FNDC3B: variants seen among roughly 807,000 people sequenced by gnomAD.
The protein encoded by FNDC3B is fibronectin type III domain containing 3B, also known as fibronectin type III domain-containing protein 3B.
In FNDC3B, 12 loss-of-function variants were observed where a neutral mutation model predicts 151.5. The ratio of observed to expected loss-of-function variants is 0.08; its 90% confidence interval spans 0.05 to 0.13. The LOEUF (loss-of-function observed/expected upper bound fraction) is 0.13, where lower values mean the gene tolerates loss of function less well. Among genes scored for constraint, FNDC3B ranks in the 10% least tolerant of loss-of-function variants. The pLI is 1.00. For missense variants in FNDC3B, 1,214 were observed against 1,505.3 expected (o/e 0.81, Z 3.20); for synonymous variants, 528 against 549.0 (o/e 0.96, Z 0.54).
At chr3:172,093,625 C>G (rs1017802662) in intron 1 of FNDC3B, among the ~76,000 whole-genome samples, 1 of 152,138 alleles carries the variant, frequency 6.6e-6, no homozygotes, top group African/African-American at 2.4e-5. Flanking sequence ...TCTCGAACTC[C>G]TGGCCTCAGG....
intron 10 of FNDC3B, among the ~76,000 whole-genome samples, chr3:172,310,029 C>T (rs755011371): frequency 9.9e-5 from 15 of 152,232 alleles, no homozygotes; most frequent in East Asian, 5.8e-4. Flanking sequence ...GTGGGAGACA[C>T]GATCCGACTC....
At chr3:172,392,798 C>CT (rs11450405) in intron 25 of FNDC3B, among the ~76,000 whole-genome samples, 32,284 of 85,784 alleles carry the variant, frequency 0.38, 4,379 homozygotes, top group Middle Eastern at 0.51. Flanking sequence ...TGAATTTTTT[C>CT]TTTTTTTTTT....
intron 2 of FNDC3B, among the ~76,000 whole-genome samples, chr3:172,113,771 C>T (rs947990191): frequency 3.9e-5 from 6 of 152,188 alleles, no homozygotes; most frequent in Non-Finnish European, 7.3e-5. Context: ...CCAGTTGCTA[C>T]CTTCTGTCCC....
chr3:172,288,366 G>A (rs1285522877), intron 7 of FNDC3B, among the ~76,000 whole-genome samples: 1 of 152,232 alleles, frequency 6.6e-6, no homozygotes, highest in Non-Finnish European at 1.5e-5. Context: ...GTAACAGCCT[G>A]TCTGCAGGGC....
At chr3:172,091,906 G>GTA (rs1452476168) in intron 1 of FNDC3B, among the ~76,000 whole-genome samples, 1 of 151,426 alleles carries the variant, frequency 6.6e-6, no homozygotes, top group Non-Finnish European at 1.5e-5. Context: ...GTGTGTGTGT[G>GTA]TGTTAGGGAG....
intron 3 of FNDC3B, among the ~76,000 whole-genome samples, chr3:172,214,802 A>T (rs112355675): frequency 1.3e-5 from 2 of 152,252 alleles, no homozygotes; most frequent in African/African-American, 4.8e-5. Context: ...TGTTGTCAAT[A>T]AAATGCCCTT....
intron 6 of FNDC3B, among the ~76,000 whole-genome samples, chr3:172,281,210 TA>T (rs1729694287): frequency 5.9e-5 from 7 of 117,904 alleles, no homozygotes; most frequent in East Asian, 2.2e-4. Context: ...TTATTATTAT[TA>T]TTTATATTTA....
intron 1 of FNDC3B, among the ~76,000 whole-genome samples, chr3:172,101,456 TAC>T (rs1436428424): frequency 6.6e-6 from 1 of 152,254 alleles, no homozygotes; most frequent in Admixed American, 6.5e-5. Context: ...ACAAAGTGGG[TAC>T]ACAGTAAATA....
chr3:172,224,036 A>G (rs1364763710), intron 3 of FNDC3B, among the ~76,000 whole-genome samples: 3 of 152,260 alleles, frequency 2.0e-5, no homozygotes, highest in Non-Finnish European at 4.4e-5. Context: ...ACCAGTGTGA[A>G]TAGTGAGCTG....
chr3:172,163,329 C>A (rs537502188), intron 3 of FNDC3B, among the ~76,000 whole-genome samples: 74 of 152,004 alleles, frequency 4.9e-4, no homozygotes, highest in Middle Eastern at 6.8e-3. Flanking sequence ...CCACCCACAT[C>A]ATAGAGTAGA....
intron 6 of FNDC3B, among the ~76,000 whole-genome samples, chr3:172,277,531 A>G (rs1351310653): frequency 6.6e-6 from 1 of 152,186 alleles, no homozygotes; most frequent in Non-Finnish European, 1.5e-5. Flanking sequence ...CCATCACTTT[A>G]GCGCGTAGGG....
chr3:172,315,211 T>C (rs1731719155), intron 11 of FNDC3B, among the ~76,000 whole-genome samples: 1 of 152,128 alleles, frequency 6.6e-6, no homozygotes, highest in African/African-American at 2.4e-5. Context: ...ACCTCGTCTC[T>C]ACTAAAATAC....
At chr3:172,052,301 G>C (rs954106294) in intron 1 of FNDC3B, among the ~76,000 whole-genome samples, 3 of 151,736 alleles carry the variant, frequency 2.0e-5, no homozygotes, top group Non-Finnish European at 2.9e-5. Context: ...TGGTCTGGAA[G>C]TCTTGGGCTC....
intron 6 of FNDC3B, 92 bp from the exon 7 acceptor site, chr3:172,285,834 T>C (rs1729980264): frequency 4.7e-6 from 4 of 846,720 alleles, no homozygotes; most frequent in Non-Finnish European, 7.8e-6. Flanking sequence ...GATTTAATGA[T>C]AACTCCAGTT....
At chr3:172,310,030 G>A (rs1430019789) in intron 10 of FNDC3B, among the ~76,000 whole-genome samples, 2 of 152,036 alleles carry the variant, frequency 1.3e-5, no homozygotes, top group Non-Finnish European at 2.9e-5. Flanking sequence ...TGGGAGACAC[G>A]ATCCGACTCC....
intron 11 of FNDC3B, among the ~76,000 whole-genome samples, chr3:172,323,333 C>T (rs147684707): frequency 2.8e-4 from 43 of 152,034 alleles, no homozygotes; most frequent in African/African-American, 9.4e-4. Flanking sequence ...GAGATCAGCC[C>T]ATCTCTACCA....
At position 172,398,753 on chromosome 3, in the gene FNDC3B, T is replaced by C. The variant is rs563174242; in HGVS notation, c.*1278T>C. The C allele has an allele frequency of 6.6e-6, 1 of 152,180 alleles. No individual in the cohort carries two copies. Among genetic ancestry groups the C allele is most frequent in the Admixed American group, 6.6e-5 (1 of 15,252 alleles). The allele number at this position is 152,180 out of a possible 1,614,324, so 9.4% of individuals were successfully genotyped here. A position where few individuals can be genotyped will look rare whatever the true frequency, so the allele number is the denominator to read the frequency against. On this transcript the variant is annotated 3_prime_UTR_variant, in exon 26 of 26. Coordinates refer to ENST00000415807, the MANE Select transcript of FNDC3B (RefSeq NM_022763.4). ...CCTCAGTTTTCCCATGCATGAAAAA[T>C]AAAATAAAATAAAACGGGGATTCTA...
At chr3:172,212,283 A>G (rs915080033) in intron 3 of FNDC3B, among the ~76,000 whole-genome samples, 6 of 152,230 alleles carry the variant, frequency 3.9e-5, no homozygotes, top group Non-Finnish European at 5.9e-5. Context: ...AAACATTGTG[A>G]TGAAATTAAA....
intron 6 of FNDC3B, among the ~76,000 whole-genome samples, chr3:172,267,531 G>A (rs1235835040): frequency 6.6e-6 from 1 of 152,220 alleles, no homozygotes; most frequent in African/African-American, 2.4e-5. Context: ...AAATAGAAGT[G>A]AGTTGTGCTG....
Sources: gnomAD v4.1 joint callset for allele counts (sites outside exome capture counted in the v4.1 genomes callset) on GRCh38, gnomAD v4.1.1 for gene constraint, MANE v1.5 for transcripts, NCBI Gene and HGNC (gene_info 2026-07-23, HGNC 2026-07-21) for gene names.